The following RASSF5 variants were observed in gnomAD, a reference collection of about 807,000 sequenced individuals.
RASSF5 encodes the protein Ras association domain family member 5.
RASSF5 carries 25 observed loss-of-function variants against 40.5 expected under a neutral mutation model. The observed-to-expected ratio is 0.62, with a 90% CI of 0.45 to 0.86. The LOEUF is 0.86. Among genes scored for constraint, RASSF5 ranks in the 40% least tolerant of loss-of-function variants. RASSF5 has a pLI of 0.00. For synonymous variants in RASSF5, 246 were observed against 252.4 expected (o/e 0.97, Z 0.24); for missense variants, 521 against 572.8 (o/e 0.91, Z 0.92).
intron 2 of RASSF5, among the ~76,000 whole-genome samples, chr1:206,555,444 G>C (rs931955158): frequency 1.3e-5 from 2 of 152,060 alleles, no homozygotes; most frequent in Admixed American, 1.3e-4. Context: ...TTCTTAGCTG[G>C]CTGGACAAAG....
intron 1 of RASSF5, among the ~76,000 whole-genome samples, chr1:206,534,539 C>A (rs962406140): frequency 6.6e-6 from 1 of 152,106 alleles, no homozygotes; most frequent in Non-Finnish European, 1.5e-5. Context: ...GTGATAAGGT[C>A]ACAGGATTTA....
intron 2 of RASSF5, among the ~76,000 whole-genome samples, chr1:206,566,971 A>G (rs1668306348): frequency 6.6e-6 from 1 of 152,220 alleles, no homozygotes; most frequent in African/African-American, 2.4e-5. Context: ...CTTTAGGGCA[A>G]GGTTTGTGAA....
chr1:206,557,825 G>C, intron 2 of RASSF5: 1 of 967,656 alleles, frequency 1.0e-6, no homozygotes, highest in Non-Finnish European at 1.6e-6. Context: ...CAGTTGCCCT[G>C]AGGGCTGAGC....
chr1:206,526,434 G>A (rs549838877), intron 1 of RASSF5, among the ~76,000 whole-genome samples: 1 of 152,280 alleles, frequency 6.6e-6, no homozygotes, highest in East Asian at 1.9e-4. Flanking sequence ...TCTCAAGAGG[G>A]CTGAGCTTTG....
In RASSF5 at chr1:206,538,069, C is replaced by G. The variant is rs11808945; in HGVS notation, c.458-103C>G. On this transcript the variant is annotated intron_variant, in intron 1 of 5. Coordinates refer to ENST00000579436, the MANE Select transcript of RASSF5 (RefSeq NM_182663.4). Reference sequence around the variant, plus strand: ...CCCACCACTTCTCTCCTGCACTGCTCTTCCCACTGGGAACTAATGCAATCT... The same window carrying G: ...CCCACCACTTCTCTCCTGCACTGCTGTTCCCACTGGGAACTAATGCAATCT... The G allele has an allele frequency of 4.0e-3, 6,092 of 1,519,192 alleles. 235 individuals carry two copies. In the African/African-American group the frequency reaches 0.074, roughly 18 times the overall value. 94.1% of individuals were successfully genotyped at this position (1,519,192 alleles called of 1,614,324 possible).
At chr1:206,538,331 C>T (rs1667469569) in intron 2 of RASSF5, 38 bp downstream of exon 2, 1 of 1,608,440 alleles carries the variant, frequency 6.2e-7, no homozygotes, top group Non-Finnish European at 8.5e-7. Flanking sequence ...TGGGAACAGC[C>T]TCTGCAGGTG....
intron 1 of RASSF5, 140 bp from the exon 2 acceptor site, chr1:206,538,032 G>A (rs1302222450): frequency 2.8e-5 from 34 of 1,199,056 alleles, no homozygotes; most frequent in Non-Finnish European, 3.6e-5. Flanking sequence ...GCATTCTCAC[G>A]CTGTCTCCCG....
chr1:206,508,002 C>G lies in RASSF5; in HGVS notation c.400C>G (p.Pro134Ala). ...CFAELVLPGG[P>A]GWCDLCGREV... ...CGCCGAGTTGGTGCTGCCGGGCGGCCCCGGCTGGTGTGACCTGTGCGGACG... is the reference window on the plus strand; with the variant it reads ...CGCCGAGTTGGTGCTGCCGGGCGGCGCCGGCTGGTGTGACCTGTGCGGACG... Residue 134 changes from proline to alanine, a missense_variant, in exon 1 of 6, where the codon CCC becomes GCC. Around this residue, in one of 2 missense-constraint regions of RASSF5, gnomAD observed 237 missense variants for 212.0 expected, o/e 1.12. Coordinates refer to ENST00000579436, the MANE Select transcript of RASSF5 (RefSeq NM_182663.4). 1.3e-6 allele frequency: 2 copies of G among 1,509,636 alleles called. No individual in the cohort carries two copies. The highest frequency in any genetic ancestry group is 1.8e-6 in the Non-Finnish European group (2 of 1,133,542). The allele number at this position is 1,509,636 out of a possible 1,614,324, so 93.5% of individuals were successfully genotyped here. A position where few individuals can be genotyped will look rare whatever the true frequency, so the allele number is the denominator to read the frequency against.
In RASSF5 at chr1:206,545,487, G is replaced by C. The variant is rs535745517; in HGVS notation, c.579+7194G>C. Among the ~76,000 whole-genome samples, 447 of 148,734 alleles carry C rather than the reference G, an allele frequency of 3.0e-3. 2 individuals carry two copies. Among genetic ancestry groups the C allele is most frequent in the African/African-American group, 0.011 (428 of 40,008 alleles). ...CTCCCAAGTAGCTGGTACTACAGGT[G>C]TGTGCCACCATGCCTGAATATTTTT... On this transcript the variant is annotated intron_variant, in intron 2 of 5. Transcript: ENST00000579436.
At chr1:206,518,559 A>T (rs782501394) in intron 1 of RASSF5, 71 of 398,256 alleles carry the variant, frequency 1.8e-4, no homozygotes, top group Non-Finnish European at 2.6e-4. Flanking sequence ...GTCTAAGCCA[A>T]TCTGACTGGG....
intron 2 of RASSF5, among the ~76,000 whole-genome samples, chr1:206,551,642 G>GT (rs1667844315): frequency 1.3e-5 from 2 of 152,250 alleles, no homozygotes; most frequent in Admixed American, 6.5e-5. Flanking sequence ...GGCACCTGAA[G>GT]TCCTGGCCAC....
chr1:206,507,552 T>C lies in RASSF5; in HGVS notation c.-51T>C. The C allele has an allele frequency of 7.3e-7, 1 of 1,378,926 alleles. No individual in the cohort carries two copies. Among genetic ancestry groups the C allele is most frequent in the Non-Finnish European group, 9.5e-7 (1 of 1,052,702 alleles). 85.4% of individuals were successfully genotyped at this position (1,378,926 alleles called of 1,614,324 possible). On this transcript the variant is annotated 5_prime_UTR_variant, in exon 1 of 6. Transcript: ENST00000579436. ...CCTTCTCTCGGGGCTGGCTCGGGAGTAGCGCAGTCGCCAAAGCCGCCGCTG... is the reference window on the plus strand; with the variant it reads ...CCTTCTCTCGGGGCTGGCTCGGGAGCAGCGCAGTCGCCAAAGCCGCCGCTG...
At chr1:206,514,498 T>A (rs1312409929) in intron 1 of RASSF5, among the ~76,000 whole-genome samples, 2 of 152,182 alleles carry the variant, frequency 1.3e-5, no homozygotes, top group African/African-American at 4.8e-5. Context: ...CTGTGACAGG[T>A]TTATTCTTCA....
At chr1:206,540,533 C>A (rs563085905) in intron 2 of RASSF5, among the ~76,000 whole-genome samples, 55 of 152,366 alleles carry the variant, frequency 3.6e-4, no homozygotes, top group African/African-American at 1.3e-3. Flanking sequence ...GGGGTTTGCT[C>A]CTGGGCTGGC....
At chr1:206,532,033 C>A (rs1218667391) in intron 1 of RASSF5, among the ~76,000 whole-genome samples, 1 of 149,524 alleles carries the variant, frequency 6.7e-6, no homozygotes, top group Non-Finnish European at 1.5e-5. Flanking sequence ...GCCTGGGCAA[C>A]AGGGTGAGAC....
chr1:206,516,275 A>T (rs1441268823), intron 1 of RASSF5, among the ~76,000 whole-genome samples: 1 of 152,222 alleles, frequency 6.6e-6, no homozygotes, highest in Non-Finnish European at 1.5e-5. Flanking sequence ...TCCAAAGGTC[A>T]GGAATGAAGA....
Position 206,507,655 on chromosome 1 carries a change from A to T in RASSF5, c.53A>T (p.Asp18Val). 4 of 1,526,312 alleles carry T rather than the reference A, an allele frequency of 2.6e-6. No homozygotes were observed. The highest frequency in any genetic ancestry group is 1.4e-5 in the African/African-American group (1 of 69,458). 94.5% of individuals were successfully genotyped at this position (1,526,312 alleles called of 1,614,324 possible). The change falls in exon 1 of 6, where the codon GAC (aspartate) becomes GTC (valine). Residue 18 changes from aspartate (D) to valine (V), a missense_variant. By Grantham distance (152) the Asp-to-Val change is radical (BLOSUM62 -3). Transcript: ENST00000579436. The part of the protein sequence containing the change: ...IGQRPYPLLL[D>V]PEPPRYLQSL... ...CAGCGCCCGTACCCGCTACTATTGG[A>T]CCCCGAGCCGCCGCGCTATCTACAG...
rs965242525 is a variant in RASSF5 at position 206,579,481 on chromosome 1, G to A, written c.580-3788G>A. ...ATCCTCTGAAGATTGCTATAGTATCGATCTCGCTCTCATGGCAGATAGTGC... is the reference window on the plus strand; with the variant it reads ...ATCCTCTGAAGATTGCTATAGTATCAATCTCGCTCTCATGGCAGATAGTGC... On this transcript the variant is annotated intron_variant, in intron 2 of 5. Coordinates refer to ENST00000579436, the MANE Select transcript of RASSF5 (RefSeq NM_182663.4). The surrounding 1 kb of genome is among the most constrained non-coding windows in gnomAD (Gnocchi z 4.2). Among the ~76,000 whole-genome samples the A allele has an allele frequency of 2.0e-5, 3 of 152,090 alleles. No individual in the cohort carries two copies. In the East Asian group the frequency reaches 5.8e-4, roughly 29 times the overall value.
chr1:206,554,526 G>A (rs1553401486), intron 2 of RASSF5, among the ~76,000 whole-genome samples: 1 of 152,228 alleles, frequency 6.6e-6, no homozygotes, highest in Admixed American at 6.5e-5. Context: ...TAGGGCTCTG[G>A]CTGCTACAGC....
Sources: gnomAD v4.1 joint callset for allele counts (sites outside exome capture counted in the v4.1 genomes callset) on GRCh38, gnomAD v4.1.1 for gene constraint, gnomAD v4.1.1 regional missense constraint, Gnocchi (gnomAD v3.1) non-coding constraint, MANE v1.5 for transcripts, NCBI Gene and HGNC (gene_info 2026-07-23, HGNC 2026-07-21) for gene names.